Variants in SAMSN1 observed in about 807,000 individuals in gnomAD.
The protein encoded by SAMSN1 is SAM domain, SH3 domain and nuclear localization signals 1.
SAMSN1 carries 31 observed loss-of-function variants against 42.0 expected under a neutral mutation model. The observed-to-expected ratio is 0.74, with a 90% confidence interval of 0.55 to 1.00. SAMSN1 has a LOEUF of 1.00. Among genes scored for constraint, SAMSN1 ranks in the 50% least tolerant of loss-of-function variants. The pLI is 0.00. For synonymous variants in SAMSN1, 178 were observed against 151.9 expected (o/e 1.17, Z -1.26); for missense variants, 464 against 439.4 (o/e 1.06, Z -0.50).
chr21:14,517,152 T>C, intron 2 of SAMSN1, 111 bp from the exon 3 acceptor site: 1 of 944,880 alleles, frequency 1.1e-6, no homozygotes, highest in Admixed American at 3.2e-5. Flanking sequence ...ATGCATTCTG[T>C]GCAGCAGCCT....
intron 2 of SAMSN1, among the ~76,000 whole-genome samples, chr21:14,560,175 GTT>G (rs1340341504): frequency 6.6e-6 from 1 of 152,166 alleles, no homozygotes; most frequent in Non-Finnish European, 1.5e-5. Flanking sequence ...GTTAGGAAAT[GTT>G]TTACTAAAAA....
chr21:14,535,485 C>T (rs1207089237), intron 1 of SAMSN1, among the ~76,000 whole-genome samples: 1 of 152,138 alleles, frequency 6.6e-6, no homozygotes, highest in East Asian at 1.9e-4. Flanking sequence ...CTAATCCTCA[C>T]TTCCAATTAG....
At chr21:14,646,237 T>A (rs1983710369) in intron 1 of SAMSN1, among the ~76,000 whole-genome samples, 2 of 151,652 alleles carry the variant, frequency 1.3e-5, no homozygotes, top group Non-Finnish European at 2.9e-5. Flanking sequence ...ATCCCAACTA[T>A]CAAGGATAAA....
intron 2 of SAMSN1, among the ~76,000 whole-genome samples, chr21:14,573,258 A>C (rs1205363803): frequency 6.6e-6 from 1 of 152,192 alleles, no homozygotes; most frequent in Non-Finnish European, 1.5e-5. Flanking sequence ...AGTCTTACTT[A>C]AACTTCACCC....
rs755217298 is a variant in SAMSN1 at position 14,486,114 on chromosome 21, A to T, written c.920T>A (p.Ile307Asn). ...SAAENFLEEE[I>N]IQEQENEPEP... is the part of the protein sequence containing the mutation. ...AGGTTCATTTTCTTGCTCTTGAATAACTGTAAATGGAAAAAAAGGGCAGGA... is the reference window on the plus strand; with the variant it reads ...AGGTTCATTTTCTTGCTCTTGAATATCTGTAAATGGAAAAAAAGGGCAGGA... The change falls in exon 8 of 8, where the codon ATT becomes AAT. Residue 307 changes from isoleucine to asparagine, a missense_variant and splice_region_variant. By Grantham distance (149) the Ile-to-Asn change is moderately radical. Coordinates refer to ENST00000400566, the MANE Select transcript of SAMSN1 (RefSeq NM_022136.5). The T allele has an allele frequency of 4.1e-5, 66 of 1,610,940 alleles. No homozygotes were observed. The highest frequency in any genetic ancestry group is 5.6e-5 in the Non-Finnish European group (66 of 1,177,866).
intron 1 of SAMSN1, among the ~76,000 whole-genome samples, chr21:14,525,823 G>C (rs2123060624): frequency 6.6e-6 from 1 of 152,076 alleles, no homozygotes; most frequent in African/African-American, 2.4e-5. Flanking sequence ...CTATATAATA[G>C]CTAAAATTAT....
At chr21:14,632,015 T>TA (rs1218270219) in intron 2 of SAMSN1, among the ~76,000 whole-genome samples, 1 of 152,174 alleles carries the variant, frequency 6.6e-6, no homozygotes, top group Non-Finnish European at 1.5e-5. Context: ...TAGAATAAGA[T>TA]ATGCTGTTTA....
intron 1 of SAMSN1, among the ~76,000 whole-genome samples, chr21:14,647,702 A>G (rs1983745006): frequency 7.3e-6 from 1 of 136,260 alleles, no homozygotes; most frequent in Admixed American, 7.7e-5. Context: ...GGTCCTTCAC[A>G]TCCCTTGTAA....
chr21:14,540,337 C>T (rs573402634), intron 1 of SAMSN1, among the ~76,000 whole-genome samples: 4 of 152,264 alleles, frequency 2.6e-5, no homozygotes, highest in East Asian at 1.9e-4. Context: ...AAAGAAACTA[C>T]CATCAGAATG....
At chr21:14,544,057 T>A (rs1417835199) in intron 1 of SAMSN1, among the ~76,000 whole-genome samples, 1 of 152,192 alleles carries the variant, frequency 6.6e-6, no homozygotes, top group Non-Finnish European at 1.5e-5. Context: ...CTGCCAATTT[T>A]TTTTCTTTTT....
chr21:14,534,811 C>T (rs746972756), intron 1 of SAMSN1, among the ~76,000 whole-genome samples: 1 of 152,130 alleles, frequency 6.6e-6, no homozygotes, highest in Admixed American at 6.5e-5. Context: ...GCTCAACAGG[C>T]TTAAGAAAAT....
intron 2 of SAMSN1, among the ~76,000 whole-genome samples, chr21:14,578,791 G>A (rs376006637): frequency 6.6e-6 from 1 of 150,828 alleles, no homozygotes; most frequent in Non-Finnish European, 1.5e-5. Flanking sequence ...CCCATGAAAT[G>A]TGGGGTTTAG....
At chr21:14,505,435 G>A (rs1987355213) in intron 5 of SAMSN1, among the ~76,000 whole-genome samples, 2 of 152,190 alleles carry the variant, frequency 1.3e-5, no homozygotes, top group Admixed American at 1.3e-4. Flanking sequence ...CCAAAAGTGA[G>A]CAGGAATAGT....
intron 2 of SAMSN1, among the ~76,000 whole-genome samples, chr21:14,563,952 T>C (rs940871032): frequency 6.6e-6 from 1 of 152,136 alleles, no homozygotes; most frequent in African/African-American, 2.4e-5. Flanking sequence ...CAAAAATAGC[T>C]TGTATCTGCA....
intron 1 of SAMSN1, among the ~76,000 whole-genome samples, chr21:14,645,107 A>G (rs1371145052): frequency 6.6e-6 from 1 of 152,192 alleles, no homozygotes; most frequent in Non-Finnish European, 1.5e-5. Flanking sequence ...GAAGGGAAGC[A>G]CAGAGGCATG....
chr21:14,646,069 G>C (rs466783), intron 1 of SAMSN1, among the ~76,000 whole-genome samples: 1 of 151,966 alleles, frequency 6.6e-6, no homozygotes, highest in Non-Finnish European at 1.5e-5. Flanking sequence ...TAAAGAGGAC[G>C]TAGATAAAGA....
upstream of SAMSN1, among the ~76,000 whole-genome samples, chr21:14,587,232 A>T (rs1033655323): frequency 2.6e-5 from 4 of 152,168 alleles, no homozygotes; most frequent in African/African-American, 7.2e-5. Context: ...AGGCATTTGT[A>T]TCAAAAATGT....
chr21:14,647,285 C>A (rs1475609604), intron 1 of SAMSN1, among the ~76,000 whole-genome samples: 2 of 151,904 alleles, frequency 1.3e-5, no homozygotes, highest in African/African-American at 2.4e-5. Flanking sequence ...TGTCAAAGAT[C>A]AGATAGTTGT....
intron 2 of SAMSN1, among the ~76,000 whole-genome samples, chr21:14,629,254 C>T (rs556429745): frequency 6.6e-6 from 1 of 152,296 alleles, no homozygotes; most frequent in South Asian, 2.1e-4. Flanking sequence ...AGTGTGTAAA[C>T]AGCACACTGA....
Sources: gnomAD v4.1 joint callset for allele counts (sites outside exome capture counted in the v4.1 genomes callset) on GRCh38, gnomAD v4.1.1 for gene constraint, MANE v1.5 for transcripts, NCBI Gene and HGNC (gene_info 2026-07-23, HGNC 2026-07-21) for gene names.